The following ARB2A variants were observed in gnomAD, a reference collection of about 807,000 sequenced individuals.
The protein encoded by ARB2A is ARB2 cotranscriptional regulator A.
At chr5:93,976,658 A>G in the ARB2A span, among the ~76,000 whole-genome samples, 1 of 152,152 alleles carries the variant, frequency 6.6e-6, no homozygotes, top group Non-Finnish European at 1.5e-5. Context: ...GATGTGAAGA[A>G]GGTCCTTGCT....
chr5:93,657,126 A>G, the ARB2A span, among the ~76,000 whole-genome samples: 1 of 152,190 alleles, frequency 6.6e-6, no homozygotes, highest in Non-Finnish European at 1.5e-5. Context: ...GATGGATGGA[A>G]TATCAATACC....
At chr5:93,842,520 T>A in the ARB2A span, among the ~76,000 whole-genome samples, 1 of 152,186 alleles carries the variant, frequency 6.6e-6, no homozygotes, top group Non-Finnish European at 1.5e-5. Context: ...AGATTTTTTT[T>A]AATATAGACA....
chr5:93,933,933 C>G, the ARB2A span, among the ~76,000 whole-genome samples: 1 of 151,930 alleles, frequency 6.6e-6, no homozygotes, highest in South Asian at 2.1e-4. Context: ...TTGAACCTGG[C>G]AGGCGGAGGT....
chr5:93,972,445 C>T, the ARB2A span, among the ~76,000 whole-genome samples: 1 of 151,742 alleles, frequency 6.6e-6, no homozygotes, highest in South Asian at 2.1e-4. Context: ...AATCAAGACG[C>T]CCCATCCAAA....
At chr5:94,077,153 T>C in the ARB2A span, among the ~76,000 whole-genome samples, 6 of 151,860 alleles carry the variant, frequency 4.0e-5, no homozygotes, top group African/African-American at 1.5e-4. Context: ...GGCAAGCAGA[T>C]CACGACATCA....
chr5:93,741,735 C>T, the ARB2A span: 1 of 738,792 alleles, frequency 1.4e-6, no homozygotes, highest in Non-Finnish European at 2.1e-6. Context: ...ACTCCTGGGT[C>T]CTAGGGTTAA....
At chr5:93,828,273 A>C in the ARB2A span, among the ~76,000 whole-genome samples, 1 of 152,166 alleles carries the variant, frequency 6.6e-6, no homozygotes, top group Non-Finnish European at 1.5e-5. Flanking sequence ...TTCATTGAGC[A>C]GTGGTTTGCA....
chr5:94,059,618 C>CAAAAAAAA, the ARB2A span, among the ~76,000 whole-genome samples: 5 of 62,772 alleles, frequency 8.0e-5, no homozygotes, highest in Admixed American at 4.9e-4. Flanking sequence ...GAGACTGTCT[C>CAAAAAAAA]AAAAAAAAAA....
chr5:93,794,311 CT>C, the ARB2A span, among the ~76,000 whole-genome samples: 2 of 151,730 alleles, frequency 1.3e-5, no homozygotes, highest in Non-Finnish European at 2.9e-5. Flanking sequence ...CACTGAAGAA[CT>C]TTCCTTTCAT....
At chr5:93,697,572 C>T in the ARB2A span, among the ~76,000 whole-genome samples, 13 of 151,954 alleles carry the variant, frequency 8.6e-5, no homozygotes, top group Admixed American at 1.3e-4. Context: ...GTATGATGCC[C>T]GCATAATGAA....
chr5:93,985,942 G>A, the ARB2A span, among the ~76,000 whole-genome samples: 19 of 148,816 alleles, frequency 1.3e-4, no homozygotes, highest in South Asian at 3.0e-3. Flanking sequence ...AGTGAGGAGC[G>A]CCTCTTCCCG....
the ARB2A span, among the ~76,000 whole-genome samples, chr5:93,658,967 T>A: frequency 2.5e-5 from 1 of 40,206 alleles, no homozygotes; most frequent in Non-Finnish European, 4.9e-5. Context: ...GGGGTGGGGG[T>A]GGGGATAACT....
the ARB2A span, among the ~76,000 whole-genome samples, chr5:93,986,173 C>T: frequency 3.3e-5 from 5 of 151,236 alleles, no homozygotes; most frequent in South Asian, 2.1e-4. Context: ...AAGTGAGGAG[C>T]GCCTCTGCCT....
At chr5:93,677,068 C>T in the ARB2A span, among the ~76,000 whole-genome samples, 1 of 152,120 alleles carries the variant, frequency 6.6e-6, no homozygotes, top group South Asian at 2.1e-4. Context: ...AGGGTGCTTT[C>T]CTAATTATGA....
At chr5:93,664,588 G>T in the ARB2A span, among the ~76,000 whole-genome samples, 1 of 150,198 alleles carries the variant, frequency 6.7e-6, no homozygotes, top group African/African-American at 2.4e-5. Context: ...CCGAGATAGC[G>T]CCACTGCACT....
chr5:93,949,378 C>A, the ARB2A span, among the ~76,000 whole-genome samples: 1 of 151,708 alleles, frequency 6.6e-6, no homozygotes, highest in East Asian at 2.0e-4. Context: ...CTGGCCAACA[C>A]GGTGAAACCC....
the ARB2A span, among the ~76,000 whole-genome samples, chr5:93,882,711 T>C: frequency 2.6e-5 from 4 of 151,386 alleles, no homozygotes; most frequent in African/African-American, 9.7e-5. Context: ...AGTTATGTGT[T>C]GTGAGGTTCC....
At chr5:93,922,774 C>T in the ARB2A span, among the ~76,000 whole-genome samples, 1 of 151,774 alleles carries the variant, frequency 6.6e-6, no homozygotes, top group African/African-American at 2.4e-5. Context: ...ATAGAAGATA[C>T]AGTGCCAGAA....
chr5:93,698,780 T>C, the ARB2A span, among the ~76,000 whole-genome samples: 1 of 152,222 alleles, frequency 6.6e-6, no homozygotes, highest in Non-Finnish European at 1.5e-5. Flanking sequence ...ATGTTAGGCA[T>C]TGAAGCAATA....
Sources: gnomAD v4.1 joint callset for allele counts (sites outside exome capture counted in the v4.1 genomes callset) on GRCh38, gnomAD v4.1.1 for gene constraint, MANE v1.5 for transcripts, NCBI Gene and HGNC (gene_info 2026-07-23, HGNC 2026-07-21) for gene names.